Variants in ITPR2 observed in about 807,000 individuals in gnomAD.
ITPR2 encodes the protein inositol 1,4,5-trisphosphate-gated calcium channel ITPR2.
A neutral mutation model predicts 317.1 loss-of-function variants in ITPR2; 207 were observed. The ratio of observed to expected loss-of-function variants is 0.65; its 90% CI spans 0.58 to 0.73. The LOEUF (loss-of-function observed/expected upper bound fraction) is 0.73, where lower values mean the gene tolerates loss of function less well. Ranked by LOEUF, ITPR2 falls within the 30% of genes least tolerant of loss-of-function variation. The pLI, the probability that ITPR2 is intolerant of heterozygous loss-of-function variation, is 0.00. For synonymous variants in ITPR2, 1,156 were observed against 1,149.1 expected, an observed-to-expected ratio of 1.01 and a Z score of -0.12; for missense variants, 2,613 against 3,284.0, an observed-to-expected ratio of 0.80 and a Z score of 4.99.
chr12:26,762,473 T>C (rs1949653416), intron 2 of ITPR2, among the ~76,000 whole-genome samples: 1 of 152,104 alleles, frequency 6.6e-6, no homozygotes. Context: ...CCAAGACTAT[T>C]ACACTCAGAA....
At chr12:26,519,636 A>T (rs980366220) in intron 37 of ITPR2, among the ~76,000 whole-genome samples, 1 of 152,262 alleles carries the variant, frequency 6.6e-6, no homozygotes, top group Non-Finnish European at 1.5e-5. Context: ...TTAATATTTA[A>T]CATGTGCTGG....
chr12:26,340,992 T>TTGTG (rs373004072), intron 55 of ITPR2, among the ~76,000 whole-genome samples: 1 of 151,928 alleles, frequency 6.6e-6, no homozygotes, highest in Non-Finnish European at 1.5e-5. Flanking sequence ...TGTAGGTGTT[T>TTGTG]TGTGTGTGTG....
Position 26,831,354 on chromosome 12 carries a change from G to C in ITPR2, c.92+1336C>G, listed in dbSNP as rs1261139673. On this transcript the variant is annotated intron_variant, in intron 1 of 56. Transcript: ENST00000381340. This position sits in a 1 kb window ranked among gnomAD's most constrained non-coding sequence, Gnocchi z 4.9. ...AAGTAACAGGAACTGTGGAAGTACTGGTGACTTCCACGTCCCAGTGCTTGG... is the reference window on the plus strand; with the variant it reads ...AAGTAACAGGAACTGTGGAAGTACTCGTGACTTCCACGTCCCAGTGCTTGG... 6.6e-6 allele frequency among the ~76,000 whole-genome samples: 1 copy of C among 152,144 alleles called. No homozygotes were observed. Among genetic ancestry groups the C allele is most frequent in the Non-Finnish European group, 1.5e-5 (1 of 68,038 alleles).
chr12:26,350,903 T>C (rs1938458717), intron 55 of ITPR2, among the ~76,000 whole-genome samples: 1 of 152,206 alleles, frequency 6.6e-6, no homozygotes, highest in Admixed American at 6.5e-5. Flanking sequence ...ATCAGCTACA[T>C]CTGCTCATGG....
chr12:26,426,228 T>C (rs1268972992), intron 49 of ITPR2, among the ~76,000 whole-genome samples: 2 of 152,190 alleles, frequency 1.3e-5, no homozygotes, highest in African/African-American at 4.8e-5. Context: ...TGAGGGCCAG[T>C]TACCAGTTTA....
intron 38 of ITPR2, among the ~76,000 whole-genome samples, chr12:26,494,631 G>A (rs1012797551): frequency 9.2e-5 from 14 of 151,774 alleles, no homozygotes; most frequent in African/African-American, 2.7e-4. Context: ...TTAGCCAGGC[G>A]TGGTGGCACA....
At chr12:26,689,237 C>T (rs1436911225) in intron 10 of ITPR2, among the ~76,000 whole-genome samples, 1 of 151,830 alleles carries the variant, frequency 6.6e-6, no homozygotes, top group Non-Finnish European at 1.5e-5. Flanking sequence ...GGCAACATGG[C>T]GAAACCCCAT....
At chr12:26,640,510 G>C (rs1946961297) in intron 21 of ITPR2, among the ~76,000 whole-genome samples, 1 of 151,776 alleles carries the variant, frequency 6.6e-6, no homozygotes, top group African/African-American at 2.4e-5. Context: ...AACCTATTAG[G>C]TATATAGTAA....
At chr12:26,706,595 C>G (rs1300528902) in intron 9 of ITPR2, among the ~76,000 whole-genome samples, 4 of 152,142 alleles carry the variant, frequency 2.6e-5, no homozygotes, top group Non-Finnish European at 5.9e-5. Flanking sequence ...CTGACCATTT[C>G]TTGCACATCC....
intron 52 of ITPR2, among the ~76,000 whole-genome samples, chr12:26,401,594 C>T (rs1207400854): frequency 6.6e-6 from 1 of 152,100 alleles, no homozygotes. Context: ...TGGCAAATGA[C>T]CAGAAATGTA....
intron 2 of ITPR2, among the ~76,000 whole-genome samples, chr12:26,789,250 G>A (rs1950304811): frequency 6.6e-6 from 1 of 152,136 alleles, no homozygotes. Context: ...TAGAGAAAAT[G>A]AAATAAATAA....
intron 21 of ITPR2, among the ~76,000 whole-genome samples, chr12:26,646,675 G>A (rs146312871): frequency 6.6e-6 from 1 of 152,172 alleles, no homozygotes; most frequent in African/African-American, 2.4e-5. Context: ...AGGAAAGGAG[G>A]ATAATTCCAG....
At chr12:26,483,194 A>G (rs1591819875) in intron 42 of ITPR2, among the ~76,000 whole-genome samples, 1 of 152,364 alleles carries the variant, frequency 6.6e-6, no homozygotes, top group Middle Eastern at 3.4e-3. Flanking sequence ...CTCAGAATCA[A>G]AAGTCCTTAG....
chr12:26,763,384 A>G (rs1054563340), intron 2 of ITPR2, among the ~76,000 whole-genome samples: 1 of 152,186 alleles, frequency 6.6e-6, no homozygotes, highest in Non-Finnish European at 1.5e-5. Flanking sequence ...CAAGCTAGTG[A>G]AAATAAAGGT....
intron 45 of ITPR2, among the ~76,000 whole-genome samples, chr12:26,469,219 C>T (rs1942243751): frequency 6.6e-6 from 1 of 152,186 alleles, no homozygotes; most frequent in Non-Finnish European, 1.5e-5. Flanking sequence ...TAGAAACTAG[C>T]ACAATGCCTG....
chr12:26,485,295 T>C (rs1942640892), intron 41 of ITPR2, among the ~76,000 whole-genome samples: 1 of 152,234 alleles, frequency 6.6e-6, no homozygotes, highest in African/African-American at 2.4e-5. Context: ...TTATTCTTCT[T>C]AAGACAACTT....
chr12:26,688,802 G>T (rs1385443725), intron 10 of ITPR2, among the ~76,000 whole-genome samples: 1 of 152,058 alleles, frequency 6.6e-6, no homozygotes, highest in Non-Finnish European at 1.5e-5. Flanking sequence ...AGTTATCTTG[G>T]GTCTTGGGAC....
At chr12:26,633,789 T>A (rs1045358968) in intron 21 of ITPR2, among the ~76,000 whole-genome samples, 1 of 152,232 alleles carries the variant, frequency 6.6e-6, no homozygotes, top group African/African-American at 2.4e-5. Flanking sequence ...CAAGTATGTA[T>A]ACGTGTTTGC....
chr12:26,556,186 A>G (rs935272879), intron 36 of ITPR2, 47 bp downstream of exon 36: 1 of 1,596,122 alleles, frequency 6.3e-7, no homozygotes, highest in African/African-American at 1.3e-5. Context: ...GTTAGAGGCC[A>G]TGTCAGTTTG....
Sources: gnomAD v4.1 joint callset for allele counts (sites outside exome capture counted in the v4.1 genomes callset) on GRCh38, gnomAD v4.1.1 for gene constraint, Gnocchi (gnomAD v3.1) non-coding constraint, MANE v1.5 for transcripts, NCBI Gene and HGNC (gene_info 2026-07-23, HGNC 2026-07-21) for gene names.